ADHFE1: variants seen among roughly 807,000 people sequenced by gnomAD.
ADHFE1 encodes the protein hydroxyacid-oxoacid transhydrogenase, mitochondrial.
In ADHFE1, 37 loss-of-function variants were observed where a neutral mutation model predicts 54.8. The observed-to-expected ratio is 0.68, with a 90% CI of 0.52 to 0.89. The LOEUF is 0.89. ADHFE1 is among the 40% of genes least tolerant of loss of function. The pLI is 0.00. For synonymous variants in ADHFE1, 203 were observed against 229.3 expected, an observed-to-expected ratio of 0.89 and a Z score of 1.04; for missense variants, 601 against 591.2, an observed-to-expected ratio of 1.02 and a Z score of -0.17.
intron 9 of ADHFE1, chr8:66,453,611 G>C (rs1440018377): frequency 3.0e-6 from 3 of 984,302 alleles, no homozygotes. Flanking sequence ...GATATAAAGA[G>C]GCCCCCAGTG....
intron 12 of ADHFE1, 102 bp from the exon 13 acceptor site, chr8:66,460,206 A>G: frequency 7.0e-7 from 1 of 1,436,404 alleles, no homozygotes; most frequent in East Asian, 2.3e-5. Context: ...CGTTAGGGAG[A>G]CCCCGTGGGT....
In ADHFE1 at chr8:66,460,323, C is replaced by T. The variant is rs1806832132; in HGVS notation, c.1178C>T (p.Thr393Ile). ...MAEILGADTR[T>I]ARIQDAGLVL... is the part of the protein sequence containing the mutation. ...TGTCTTCTAGGAGCCGACACCCGCA[C>T]TGCCAGGATCCAAGATGCAGGGCTG... The change falls in exon 13 of 14, where the codon ACT (threonine) becomes ATT (isoleucine). Residue 393 changes from threonine to isoleucine, a missense_variant. Transcript: ENST00000396623. 6.2e-7 allele frequency: 1 copy of T among 1,614,052 alleles called. No individual in the cohort carries two copies. The highest frequency in any genetic ancestry group is 8.5e-7 in the Non-Finnish European group (1 of 1,180,028).
At chr8:66,453,522 C>T (rs893497236) in intron 9 of ADHFE1, among the ~76,000 whole-genome samples, 3 of 152,182 alleles carry the variant, frequency 2.0e-5, no homozygotes, top group African/African-American at 7.2e-5. Flanking sequence ...GCACTGGGGA[C>T]ACCCAGAGCA....
chr8:66,468,205 C>T, intron 13 of ADHFE1, 64 bp from the exon 14 acceptor site: 1 of 1,279,560 alleles, frequency 7.8e-7, no homozygotes, highest in Non-Finnish European at 1.1e-6. Flanking sequence ...ATTTCCATAA[C>T]TTTGTAGCTT....
chr8:66,447,487 A>C, intron 7 of ADHFE1, 146 bp downstream of exon 7: 1 of 681,136 alleles, frequency 1.5e-6, no homozygotes, highest in Non-Finnish European at 2.5e-6. Context: ...AAAGTCAGCA[A>C]CAAAGTATTG....
intron 2 of ADHFE1, among the ~76,000 whole-genome samples, chr8:66,440,970 A>G (rs1003907111): frequency 2.6e-5 from 4 of 152,286 alleles, no homozygotes; most frequent in African/African-American, 9.6e-5. Flanking sequence ...TTGCCCAAGG[A>G]GTGACTCACC....
At chr8:66,454,202 TA>T (rs749003500) in intron 10 of ADHFE1, 45 bp downstream of exon 10, 3 of 1,588,282 alleles carry the variant, frequency 1.9e-6, no homozygotes, top group Non-Finnish European at 2.6e-6. Context: ...GCTATTGCTT[TA>T]AAAAATTTTT....
At chr8:66,458,000 G>A (rs933406179) in intron 12 of ADHFE1, among the ~76,000 whole-genome samples, 32 of 152,104 alleles carry the variant, frequency 2.1e-4, no homozygotes, top group African/African-American at 7.7e-4. Flanking sequence ...TCCTGAAAGA[G>A]GAGTCTGTTT....
At position 66,453,558 on chromosome 8, in the gene ADHFE1, T is replaced by C. The variant is rs547035038; in HGVS notation, c.888-501T>C. ...AGCTAAGGCTCATTCGACAATAACA[T>C]CCACTTCCTCAATAATGTTGGCATA... On this transcript the variant is annotated intron_variant, in intron 9 of 13. Coordinates refer to ENST00000396623, the MANE Select transcript of ADHFE1 (RefSeq NM_144650.3). Among the ~76,000 whole-genome samples, 4 of 152,280 alleles carry C rather than the reference T, an allele frequency of 2.6e-5. No homozygotes were observed. In the East Asian group the frequency reaches 7.7e-4, roughly 29 times the overall value.
chr8:66,450,339 C>T (rs1304497661), intron 8 of ADHFE1, among the ~76,000 whole-genome samples: 1 of 152,246 alleles, frequency 6.6e-6, no homozygotes, highest in Non-Finnish European at 1.5e-5. Flanking sequence ...CACTGTCAAT[C>T]AAAGTGGGGA....
At chr8:66,452,240 C>T (rs1415787783) in intron 9 of ADHFE1, 135 bp downstream of exon 9, 10 of 1,239,994 alleles carry the variant, frequency 8.1e-6, no homozygotes, top group African/African-American at 1.5e-5. Flanking sequence ...GCGCAGAAGC[C>T]CCAGACACCA....
chr8:66,458,638 G>A (rs919761028), intron 12 of ADHFE1, among the ~76,000 whole-genome samples: 6 of 152,306 alleles, frequency 3.9e-5, no homozygotes, highest in South Asian at 4.2e-4. Flanking sequence ...TGAGAAGGGA[G>A]TTCCTCTGTT....
In ADHFE1 at chr8:66,448,959, T is replaced by G; in HGVS notation, c.723T>G (p.Phe241Leu). 6.2e-7 allele frequency: 1 copy of G among 1,614,092 alleles called. No individual in the cohort carries two copies. The highest frequency in any genetic ancestry group is 1.1e-5 in the South Asian group (1 of 91,078). The change falls in exon 8 of 14, where the codon TTT (phenylalanine) becomes TTG (leucine). Residue 241 changes from phenylalanine to leucine, a missense_variant. Coordinates refer to ENST00000396623, the MANE Select transcript of ADHFE1 (RefSeq NM_144650.3). ...CCCGAGTGGTCGCCAACAGTGGCTTTGATGTGCTTTGGTAAGTGCTGGTGC... is the reference window on the plus strand; with the variant it reads ...CCCGAGTGGTCGCCAACAGTGGCTTGGATGTGCTTTGGTAAGTGCTGGTGC... The part of the protein sequence containing the change: ...MPARVVANSG[F>L]DVLCHALESY...
intron 2 of ADHFE1, among the ~76,000 whole-genome samples, chr8:66,440,471 C>T (rs1011096669): frequency 1.3e-5 from 2 of 152,104 alleles, no homozygotes; most frequent in Admixed American, 6.6e-5. Context: ...TCTAAAAATG[C>T]ACAGATAGGA....
At chr8:66,443,110 A>C (rs939490063) in intron 3 of ADHFE1, among the ~76,000 whole-genome samples, 6 of 152,148 alleles carry the variant, frequency 3.9e-5, no homozygotes, top group Admixed American at 3.9e-4. Context: ...TCTCCAGTAC[A>C]TATATGTTAT....
Position 66,468,388 on chromosome 8 carries a change from T to G in ADHFE1, c.*36T>G. 1 of 1,564,300 alleles carries G rather than the reference T, an allele frequency of 6.4e-7. No individual in the cohort carries two copies. The highest frequency in any genetic ancestry group is 8.7e-7 in the Non-Finnish European group (1 of 1,142,966). On this transcript the variant is annotated 3_prime_UTR_variant, in exon 14 of 14. Coordinates refer to ENST00000396623, the MANE Select transcript of ADHFE1 (RefSeq NM_144650.3). Reference sequence around the variant, plus strand: ...AACTGAAAGAATTACCGCTGGCCATTGTAGTGCTGAGAGCAAGAGCTGATC... The same window carrying G: ...AACTGAAAGAATTACCGCTGGCCATGGTAGTGCTGAGAGCAAGAGCTGATC...
At chr8:66,432,736 C>T in intron 1 of ADHFE1, 161 bp downstream of exon 1, 8 of 1,232,276 alleles carry the variant, frequency 6.5e-6, no homozygotes, top group Non-Finnish European at 8.1e-6. Context: ...GGCGGAACAG[C>T]GAGGTCACAG....
intron 7 of ADHFE1, 90 bp downstream of exon 7, chr8:66,447,431 T>C: frequency 8.8e-7 from 1 of 1,132,994 alleles, no homozygotes; most frequent in Non-Finnish European, 1.3e-6. Context: ...GCAGTTATGA[T>C]ACAGTTAGAA....
chr8:66,449,830 C>T (rs577870895), intron 8 of ADHFE1, among the ~76,000 whole-genome samples: 3 of 152,316 alleles, frequency 2.0e-5, no homozygotes, highest in Non-Finnish European at 4.4e-5. Flanking sequence ...ATTTTAAAAA[C>T]GGTGCAGGCT....
Sources: gnomAD v4.1 joint callset for allele counts (sites outside exome capture counted in the v4.1 genomes callset) on GRCh38, gnomAD v4.1.1 for gene constraint, MANE v1.5 for transcripts, NCBI Gene and HGNC (gene_info 2026-07-23, HGNC 2026-07-21) for gene names.